Variants in WDR88 observed in about 807,000 individuals in gnomAD.
The protein encoded by WDR88 is WD repeat-containing protein 88.
WDR88 carries 40 observed loss-of-function variants against 46.8 expected under a neutral mutation model. The ratio of observed to expected loss-of-function variants is 0.86; its 90% CI spans 0.66 to 1.11. The LOEUF (loss-of-function observed/expected upper bound fraction) is 1.11, where lower values mean the gene tolerates loss of function less well. WDR88 is among the 50% of genes most tolerant of loss of function. The pLI, the probability that WDR88 is intolerant of heterozygous loss-of-function variation, is 0.00. For missense variants in WDR88, 562 were observed against 602.4 expected (o/e 0.93, Z 0.70); for synonymous variants, 235 against 240.7 (o/e 0.98, Z 0.22).
intron 8 of WDR88, among the ~76,000 whole-genome samples, chr19:33,163,248 G>A (rs962647889): frequency 1.4e-4 from 22 of 152,144 alleles, no homozygotes; most frequent in African/African-American, 5.3e-4. Flanking sequence ...CAGGAGAATG[G>A]CGTGAACTTG....
chr19:33,174,188 A>G, intron 10 of WDR88: 3 of 1,536,404 alleles, frequency 2.0e-6, no homozygotes, highest in African/African-American at 1.4e-5. Context: ...AAAGGAAAAG[A>G]AAGAGGCCTA....
At chr19:33,174,309 C>T (rs1974089582) in intron 10 of WDR88, 21 of 1,523,222 alleles carry the variant, frequency 1.4e-5, no homozygotes, top group Non-Finnish European at 1.8e-5. Context: ...AGGGTTTACC[C>T]CCCTCTCCAG....
chr19:33,132,690 C>A (rs1973154147), intron 1 of WDR88, among the ~76,000 whole-genome samples: 1 of 152,210 alleles, frequency 6.6e-6, no homozygotes, highest in Non-Finnish European at 1.5e-5. Flanking sequence ...CAGGACTCTT[C>A]GCTGGGAGGA....
chr19:33,173,896 G>T (rs1974081394), intron 10 of WDR88, among the ~76,000 whole-genome samples: 2 of 152,160 alleles, frequency 1.3e-5, no homozygotes, highest in Non-Finnish European at 2.9e-5. Flanking sequence ...TGTCGCCCAG[G>T]CTGGAGTGCA....
intron 7 of WDR88, among the ~76,000 whole-genome samples, chr19:33,158,984 G>C (rs1381492717): frequency 6.6e-6 from 1 of 152,082 alleles, no homozygotes; most frequent in Non-Finnish European, 1.5e-5. Context: ...ACAGACGTGA[G>C]CCACCACACC....
chr19:33,173,999 C>A (rs1406186640), intron 10 of WDR88, among the ~76,000 whole-genome samples: 1 of 151,968 alleles, frequency 6.6e-6, no homozygotes. Context: ...TACAGGCGCC[C>A]ACCACTACGC....
rs1973738369 is a variant in WDR88 at position 33,156,505 on chromosome 19, T to C, written c.960T>C (p.His320=). 2 of 1,613,936 alleles carry C rather than the reference T, an allele frequency of 1.2e-6. No individual in the cohort carries two copies. Among genetic ancestry groups the C allele is most frequent in the Admixed American group, 1.7e-5 (1 of 59,942 alleles). The change falls in exon 7 of 11, where the codon CAT becomes CAC. Residue 320 remains histidine (H), a synonymous_variant. Coordinates refer to ENST00000355868, the MANE Select transcript of WDR88 (RefSeq NM_173479.4). ...CGACVTLMQG[H]EGSVSSCHFA... ...CCTGTGTGACTCTGATGCAGGGCCATGAAGGTTCTGTCAGTTCCTGTCACT... is the reference window on the plus strand; with the variant it reads ...CCTGTGTGACTCTGATGCAGGGCCACGAAGGTTCTGTCAGTTCCTGTCACT...
At position 33,148,910 on chromosome 19, in the gene WDR88, G is replaced by C. The variant is rs763634191; in HGVS notation, c.679G>C (p.Asp227His). 1.9e-6 allele frequency: 3 copies of C among 1,613,964 alleles called. No individual in the cohort carries two copies. The highest frequency in any genetic ancestry group is 2.5e-6 in the Non-Finnish European group (3 of 1,180,022). The change falls in exon 5 of 11, where the codon GAT (aspartate) becomes CAT (histidine). Residue 227 changes from aspartate to histidine, a missense_variant and splice_region_variant. Coordinates refer to ENST00000355868, the MANE Select transcript of WDR88 (RefSeq NM_173479.4). Reference sequence around the variant, plus strand: ...CATCACCACCGTTTCCGTCATCAAAGGTGAGGGTGTGCGGGCTCCCTGTAT... The same window carrying C: ...CATCACCACCGTTTCCGTCATCAAACGTGAGGGTGTGCGGGCTCCCTGTAT... The part of the protein sequence containing the change: ...ENITTVSVIK[D>H]HHTRSITSCC...
At chr19:33,159,468 T>C (rs1037581913) in intron 7 of WDR88, among the ~76,000 whole-genome samples, 4 of 152,190 alleles carry the variant, frequency 2.6e-5, no homozygotes, top group Admixed American at 6.5e-5. Context: ...GGAAAATGCA[T>C]GCATCCATTC....
At position 33,175,448 on chromosome 19, in the gene WDR88, A is replaced by C; in HGVS notation, c.1295A>C (p.Glu432Ala). The C allele has an allele frequency of 1.2e-6, 2 of 1,614,170 alleles. No individual in the cohort carries two copies. Among genetic ancestry groups the C allele is most frequent in the South Asian group, 2.2e-5 (2 of 91,078 alleles). ...ATCTTCAAGAGTGACACCTCTTCTG[A>C]AATGTTCACCCAATGCGTGTTCTGC... Reference protein sequence around the residue: ...FSIFKSDTSSEMFTQCVFCRI... With the variant: ...FSIFKSDTSSAMFTQCVFCRI... The change falls in exon 11 of 11, where the codon GAA (glutamate) becomes GCA (alanine). Residue 432 changes from glutamate (E) to alanine (A), a missense_variant. Transcript: ENST00000355868.
intron 10 of WDR88, among the ~76,000 whole-genome samples, chr19:33,172,668 T>C (rs963544285): frequency 5.9e-5 from 9 of 152,042 alleles, no homozygotes; most frequent in African/African-American, 1.2e-4. Context: ...GAAAAATACA[T>C]AGCAAACAGG....
intron 8 of WDR88, among the ~76,000 whole-genome samples, chr19:33,163,736 G>C (rs1973909148): frequency 6.6e-6 from 1 of 150,472 alleles, no homozygotes; most frequent in African/African-American, 2.4e-5. Context: ...GGGCTCCGGT[G>C]ACTCTCCCAC....
chr19:33,150,686 A>G (rs1340007219), intron 5 of WDR88, among the ~76,000 whole-genome samples: 2 of 152,192 alleles, frequency 1.3e-5, no homozygotes, highest in African/African-American at 2.4e-5. Context: ...CAGCTTCCCT[A>G]ATAGCCCCTA....
At chr19:33,162,996 G>C (rs1973894303) in intron 8 of WDR88, among the ~76,000 whole-genome samples, 1 of 152,108 alleles carries the variant, frequency 6.6e-6, no homozygotes, top group Admixed American at 6.6e-5. Flanking sequence ...TCAGGAGTTC[G>C]AGACCAGCCT....
At chr19:33,159,995 G>A (rs192608363) in intron 7 of WDR88, among the ~76,000 whole-genome samples, 8 of 152,004 alleles carry the variant, frequency 5.3e-5, no homozygotes, top group Middle Eastern at 3.4e-3. Flanking sequence ...CTAATCCCTC[G>A]CATCCGCAGT....
At chr19:33,141,235 T>TGTTTG (rs71301620) in intron 2 of WDR88, among the ~76,000 whole-genome samples, 17,859 of 141,412 alleles carry the variant, frequency 0.13, 1,447 homozygotes, top group South Asian at 0.22. Context: ...ATGTTTTTTT[T>TGTTTG]TTTTTCTTTT....
chr19:33,147,898 T>G (rs11667560), intron 4 of WDR88, among the ~76,000 whole-genome samples, 190 bp downstream of exon 4: 17,508 of 151,766 alleles, frequency 0.12, 1,074 homozygotes, highest in South Asian at 0.21. Context: ...GCAAAAAGTC[T>G]GGAGGGTGAG....
chr19:33,134,024 C>T (rs944054033), intron 1 of WDR88, among the ~76,000 whole-genome samples: 5 of 152,228 alleles, frequency 3.3e-5, no homozygotes, highest in Non-Finnish European at 7.3e-5. Context: ...GGAGGAGGCT[C>T]TTGAGGTTTA....
chr19:33,159,957 C>T (rs1973835704), intron 7 of WDR88, among the ~76,000 whole-genome samples: 2 of 151,864 alleles, frequency 1.3e-5, no homozygotes, highest in Admixed American at 1.3e-4. Flanking sequence ...GATCATCAGG[C>T]ATTAGATTCT....
Sources: gnomAD v4.1 joint callset for allele counts (sites outside exome capture counted in the v4.1 genomes callset) on GRCh38, gnomAD v4.1.1 for gene constraint, MANE v1.5 for transcripts, NCBI Gene and HGNC (gene_info 2026-07-23, HGNC 2026-07-21) for gene names.